The following CSN1S1 variants were observed in gnomAD, a reference collection of about 807,000 sequenced individuals.
CSN1S1 encodes alpha-S1-casein.
Under a neutral mutation model 49.1 loss-of-function variants are expected in CSN1S1, and 63 were observed. The observed-to-expected ratio is 1.28, with a 90% CI of 1.05 to 1.58. The LOEUF (loss-of-function observed/expected upper bound fraction) is 1.58. Ranked by LOEUF, CSN1S1 falls within the 40% of genes most tolerant of loss-of-function variation. The pLI, the probability that CSN1S1 is intolerant of heterozygous loss-of-function variation, is 0.00. For missense variants in CSN1S1, 260 were observed against 224.7 expected (o/e 1.16, Z -1.01); for synonymous variants, 78 against 67.1 (o/e 1.16, Z -0.79).
At chr4:69,932,441 T>C in intron 1 of CSN1S1, 103 bp from the exon 2 acceptor site, 1 of 971,130 alleles carries the variant, frequency 1.0e-6, no homozygotes, top group South Asian at 1.5e-5. Flanking sequence ...ATCAGCCTAC[T>C]TTTATCATAA....
intron 11 of CSN1S1, 67 bp downstream of exon 11, chr4:69,940,111 TCACACACACA>T (rs35000195): frequency 1.1e-4 from 46 of 405,350 alleles, no homozygotes; most frequent in African/African-American, 5.3e-4. Context: ...GCACTTACTT[TCACACACACA>T]CACACACACA....
chr4:69,943,090 A>G (rs1329866337), intron 14 of CSN1S1, among the ~76,000 whole-genome samples: 1 of 151,348 alleles, frequency 6.6e-6, no homozygotes, highest in Non-Finnish European at 1.5e-5. Context: ...TGGCTAAAGT[A>G]AAAAGAAAAT....
At position 69,940,002 on chromosome 4, in the gene CSN1S1, T is replaced by A. The variant is rs1722921997; in HGVS notation, c.277-19T>A. On this transcript the variant is annotated intron_variant, in intron 10 of 15. Coordinates refer to ENST00000246891, the MANE Select transcript of CSN1S1 (RefSeq NM_001890.2). ...AATGTCGTGAAATTAAAACTATGCATGTTTTAATTTTTTTAAAGGAAATGT... is the reference window on the plus strand; with the variant it reads ...AATGTCGTGAAATTAAAACTATGCAAGTTTTAATTTTTTTAAAGGAAATGT... 3 of 1,359,640 alleles carry A rather than the reference T, an allele frequency of 2.2e-6. No individual in the cohort carries two copies. Among genetic ancestry groups the A allele is most frequent in the South Asian group, 1.4e-5 (1 of 69,708 alleles). The allele number at this position is 1,359,640 out of a possible 1,614,324, so 84.2% of individuals were successfully genotyped here.
At position 69,942,030 on chromosome 4, in the gene CSN1S1, G is replaced by A. The variant is rs751259279; in HGVS notation, c.343-16G>A. ...TAAAATGAAAATACTAAAACAGAAT[G>A]TTTTCTCCTCCCTAGCAAGCTGCCC... On this transcript the variant is annotated splice_polypyrimidine_tract_variant and intron_variant, in intron 12 of 15. Coordinates refer to ENST00000246891, the MANE Select transcript of CSN1S1 (RefSeq NM_001890.2). 7 of 1,444,136 alleles carry A rather than the reference G, an allele frequency of 4.8e-6. No individual in the cohort carries two copies. Among genetic ancestry groups the A allele is most frequent in the Non-Finnish European group, 6.5e-6 (7 of 1,071,386 alleles). 89.5% of individuals were successfully genotyped at this position (1,444,136 alleles called of 1,614,324 possible).
intron 11 of CSN1S1, 66 bp downstream of exon 11, chr4:69,940,110 T>TC: frequency 4.9e-6 from 2 of 408,388 alleles, no homozygotes. Flanking sequence ...TGCACTTACT[T>TC]TCACACACAC....
intron 3 of CSN1S1, 63 bp from the exon 4 acceptor site, chr4:69,934,627 A>G (rs1722711652): frequency 4.7e-6 from 7 of 1,484,364 alleles, no homozygotes; most frequent in Non-Finnish European, 5.6e-6. Context: ...TATGAGCACA[A>G]CTAATCCTAC....
At chr4:69,943,153 T>G (rs1419739893) in intron 14 of CSN1S1, among the ~76,000 whole-genome samples, 1 of 135,080 alleles carries the variant, frequency 7.4e-6, no homozygotes, top group Non-Finnish European at 1.6e-5. Context: ...GGTCTTAATT[T>G]TCCATGTGAA....
chr4:69,940,280 G>A (rs1490255202), intron 11 of CSN1S1, among the ~76,000 whole-genome samples: 1 of 151,642 alleles, frequency 6.6e-6, no homozygotes, highest in Non-Finnish European at 1.5e-5. Flanking sequence ...ATATCTGCTA[G>A]ACTTTATTGT....
intron 14 of CSN1S1, among the ~76,000 whole-genome samples, chr4:69,943,932 A>G (rs1723064767): frequency 6.6e-6 from 1 of 152,022 alleles, no homozygotes; most frequent in South Asian, 2.1e-4. Flanking sequence ...GTTGTATTGC[A>G]TGTTAAGTTT....
At chr4:69,943,989 T>TTCTG (rs1201664406) in intron 14 of CSN1S1, among the ~76,000 whole-genome samples, 189 of 152,026 alleles carry the variant, frequency 1.2e-3, no homozygotes, top group African/African-American at 4.1e-3. Flanking sequence ...AGACACTTAT[T>TTCTG]TCTGTCTGTC....
rs116615671 is a variant in CSN1S1, at chr4:69,934,412, G to A, written c.84+168G>A. Among the ~76,000 whole-genome samples, 410 of 152,076 alleles carry A rather than the reference G, an allele frequency of 2.7e-3. 2 individuals carry two copies. Among genetic ancestry groups the A allele is most frequent in the African/African-American group, 9.3e-3 (386 of 41,502 alleles). The stretch of plus-strand genomic sequence containing the variant: ...TTTGCTCTCACAAAACTTAGAGGAC[G>A]GCACACTGACTTAGATAAACATTTA... On this transcript the variant is annotated intron_variant, in intron 3 of 15. Transcript: ENST00000246891.
In CSN1S1 at chr4:69,936,425, T is replaced by C. The variant is rs768698418; in HGVS notation, c.130-31T>C. 1.2e-5 allele frequency: 18 copies of C among 1,480,124 alleles called. No individual in the cohort carries two copies. The East Asian group carries it at 3.4e-4, about 28-fold the overall frequency. The allele number at this position is 1,480,124 out of a possible 1,614,324, so 91.7% of individuals were successfully genotyped here. ...ACTCATGTATGTCTTGTTTCACTAA[T>C]ATTGTTTATGTTTTCTTTTTTATCC... On this transcript the variant is annotated intron_variant, in intron 5 of 15. Transcript: ENST00000246891.
intron 2 of CSN1S1, 117 bp downstream of exon 2, chr4:69,932,723 G>T: frequency 2.2e-6 from 2 of 896,370 alleles, no homozygotes; most frequent in Non-Finnish European, 1.8e-6. Flanking sequence ...TCTCTAATTG[G>T]CCTCTGAAGT....
intron 14 of CSN1S1, 25 bp from the exon 15 acceptor site, chr4:69,944,825 G>T (rs1723101075): frequency 6.2e-7 from 1 of 1,609,638 alleles, no homozygotes. Context: ...ATACACTGTT[G>T]CTTTTCAAAT....
intron 7 of CSN1S1, 141 bp from the exon 8 acceptor site, chr4:69,936,980 A>C: frequency 1.5e-6 from 1 of 675,232 alleles, no homozygotes; most frequent in Non-Finnish European, 2.5e-6. Flanking sequence ...TATTTTCTTT[A>C]ACCATAACAT....
rs1491537992 is a variant in CSN1S1 at position 69,940,111 on chromosome 4, T to TCTCACA, written c.300+68_300+69insTCACAC. On this transcript the variant is annotated intron_variant, in intron 11 of 15. Transcript: ENST00000246891. The stretch of plus-strand genomic sequence containing the variant: ...CAGGATAATTAAAATGCACTTACTT[T>TCTCACA]CACACACACACACACACACACACAC... 4.2e-3 allele frequency: 1,715 copies of TCTCACA among 405,300 alleles called. 80 individuals are homozygous for TCTCACA. Among genetic ancestry groups the TCTCACA allele is most frequent in the Non-Finnish European group, 5.3e-3 (1,199 of 224,626 alleles). The allele number at this position is 405,300 out of a possible 1,614,324, so 25.1% of individuals were successfully genotyped here. A position where few individuals can be genotyped will look rare whatever the true frequency, so the allele number is the denominator to read the frequency against.
chr4:69,938,435 A>T (rs1038005410), intron 9 of CSN1S1, among the ~76,000 whole-genome samples: 1 of 135,484 alleles, frequency 7.4e-6, no homozygotes, highest in Non-Finnish European at 1.6e-5. Context: ...TAGTTTGTCA[A>T]CCCACGCCCC....
chr4:69,945,735 A>T (rs1486634109), intron 15 of CSN1S1, among the ~76,000 whole-genome samples: 2 of 151,986 alleles, frequency 1.3e-5, no homozygotes, highest in Non-Finnish European at 2.9e-5. Flanking sequence ...TTATGGTCAA[A>T]TAGACATCCT....
At chr4:69,946,112 T>C in intron 15 of CSN1S1, 84 bp from the exon 16 acceptor site, 2 of 395,754 alleles carry the variant, frequency 5.1e-6, no homozygotes, top group Non-Finnish European at 9.6e-6. Context: ...GAGAAAATAG[T>C]AAAACGTGTT....
Sources: gnomAD v4.1 joint callset for allele counts (sites outside exome capture counted in the v4.1 genomes callset) on GRCh38, gnomAD v4.1.1 for gene constraint, MANE v1.5 for transcripts, NCBI Gene and HGNC (gene_info 2026-07-23, HGNC 2026-07-21) for gene names.